STON1: variants seen among roughly 807,000 people sequenced by gnomAD.
STON1 encodes the protein stonin-1.
STON1 carries 79 observed loss-of-function variants against 60.9 expected under a neutral mutation model. The observed-to-expected ratio is 1.30, with a 90% CI of 1.08 to 1.56. The LOEUF (loss-of-function observed/expected upper bound fraction) is 1.56. Ranked by LOEUF, STON1 falls within the 40% of genes most tolerant of loss-of-function variation. The pLI, the probability that STON1 is intolerant of heterozygous loss-of-function variation, is 0.00. For synonymous variants in STON1, 363 were observed against 306.9 expected (o/e 1.18, Z -1.91); for missense variants, 1,166 against 858.9 (o/e 1.36, Z -4.47).
At chr2:48,583,979 G>T (rs190827625) in intron 2 of STON1, among the ~76,000 whole-genome samples, 1 of 152,044 alleles carries the variant, frequency 6.6e-6, no homozygotes, top group African/African-American at 2.4e-5. Context: ...TCAAACTCCT[G>T]ACTTTGTGAT....
intron 1 of STON1, among the ~76,000 whole-genome samples, chr2:48,557,053 G>A (rs1331407967): frequency 1.9e-5 from 2 of 103,396 alleles, no homozygotes; most frequent in Admixed American, 9.2e-5. Flanking sequence ...CGGATGGGGC[G>A]GCTGGCCGGG....
At chr2:48,530,926 A>T (rs992931591) in intron 1 of STON1, 1 of 152,240 alleles carries the variant, frequency 6.6e-6, no homozygotes, top group African/African-American at 2.4e-5. Context: ...CCTCCTTAGG[A>T]TTGTACTGCT....
At chr2:48,533,717 T>C (rs1671311000) in intron 1 of STON1, among the ~76,000 whole-genome samples, 1 of 146,922 alleles carries the variant, frequency 6.8e-6, no homozygotes, top group Non-Finnish European at 1.5e-5. Flanking sequence ...AAAGGAATAC[T>C]CTGTGACCTT....
At chr2:48,568,798 T>C (rs1047265375) in intron 1 of STON1, among the ~76,000 whole-genome samples, 5 of 152,220 alleles carry the variant, frequency 3.3e-5, no homozygotes, top group Non-Finnish European at 2.9e-5. Flanking sequence ...TCCCACAGCC[T>C]GATGTCCAAG....
At chr2:48,537,144 T>G (rs1336104279) in intron 1 of STON1, among the ~76,000 whole-genome samples, 1 of 152,244 alleles carries the variant, frequency 6.6e-6, no homozygotes, top group Non-Finnish European at 1.5e-5. Context: ...TCCAGTACAG[T>G]GTTCAATAGA....
At chr2:48,568,319 C>T (rs1295203329) in intron 1 of STON1, among the ~76,000 whole-genome samples, 1 of 152,212 alleles carries the variant, frequency 6.6e-6, no homozygotes, top group African/African-American at 2.4e-5. Flanking sequence ...ACAAAGTCTT[C>T]AGCTGCCATA....
chr2:48,564,487 TTCTTCTTCTTCTTCTTC>T (rs1672795554), intron 1 of STON1, among the ~76,000 whole-genome samples: 2 of 20,994 alleles, frequency 9.5e-5, no homozygotes, highest in Admixed American at 4.6e-4. Flanking sequence ...TTCTTTCTTC[TTCTTCTTCTTCTTCTTC>T]TTCTTCTTCT....
intron 3 of STON1, among the ~76,000 whole-genome samples, chr2:48,593,297 A>G (rs2103964669): frequency 6.6e-6 from 1 of 151,450 alleles, no homozygotes; most frequent in East Asian, 2.0e-4. Context: ...TTGTGTTTAT[A>G]GTAGAGATGG....
rs867449686 is a variant in STON1 at position 48,575,754 on chromosome 2, T to A, written c.-47-4833T>A. On this transcript the variant is annotated intron_variant, in intron 1 of 3. Transcript: ENST00000404752. ...ATATGGTAGTTCTATTTTTAGTTTT[T>A]GTTTGTTTTTTTTTTTTTTTTGAGA... Among the ~76,000 whole-genome samples, 8 of 117,320 alleles carry A rather than the reference T, an allele frequency of 6.8e-5. No individual in the cohort carries two copies. In the East Asian group the frequency reaches 7.0e-4, roughly 10 times the overall value. The allele number at this position is 117,320 out of a possible 152,430, so 77.0% of individuals were successfully genotyped here.
At chr2:48,565,730 G>A (rs1291797502) in intron 1 of STON1, among the ~76,000 whole-genome samples, 2 of 152,192 alleles carry the variant, frequency 1.3e-5, no homozygotes, top group African/African-American at 2.4e-5. Context: ...AAAGGCTAGA[G>A]TAGGGACAGA....
rs80020181 is a variant in STON1 at position 48,592,401 on chromosome 2, G to C, written c.2133+546G>C. Among the ~76,000 whole-genome samples, 3 of 151,084 alleles carry C rather than the reference G, an allele frequency of 2.0e-5. No individual in the cohort carries two copies. In the East Asian group the frequency reaches 5.8e-4, roughly 29 times the overall value. On this transcript the variant is annotated intron_variant, in intron 3 of 3. Transcript: ENST00000404752. ...ATAGTGTTCTGTGGAGCATGCTTTA[G>C]GAAATGCTGAGTTACTCTATTATGG...
intron 1 of STON1, among the ~76,000 whole-genome samples, chr2:48,574,694 C>G (rs555534529): frequency 5.3e-5 from 8 of 152,210 alleles, no homozygotes; most frequent in Admixed American, 2.0e-4. Flanking sequence ...AAGTGTAAAC[C>G]TCACATATTT....
intron 2 of STON1, among the ~76,000 whole-genome samples, chr2:48,583,053 T>G (rs533227553): frequency 6.6e-6 from 1 of 152,356 alleles, no homozygotes. Flanking sequence ...AAATTGATTT[T>G]TGTTGACTGA....
At chr2:48,537,590 T>G in intron 1 of STON1, among the ~76,000 whole-genome samples, 1 of 152,172 alleles carries the variant, frequency 6.6e-6, no homozygotes, top group South Asian at 2.1e-4. Context: ...GGCTCATGCC[T>G]GTAATTCCAG....
At chr2:48,535,479 G>T (rs752623328) in intron 1 of STON1, among the ~76,000 whole-genome samples, 1 of 152,048 alleles carries the variant, frequency 6.6e-6, no homozygotes, top group African/African-American at 2.4e-5. Flanking sequence ...TTTGTGGAAG[G>T]TACCTTGAGA....
rs1298423504 is a variant in STON1, at chr2:48,564,481, T to TCC, written c.-47-16106_-47-16105insCC. On this transcript the variant is annotated intron_variant, in intron 1 of 3. Transcript: ENST00000404752. ...TTCTTCTTCTTCTTCTTCTTCTTCTTTCTTCTTCTTCTTCTTCTTCTTCTT... is the reference window on the plus strand; with the variant it reads ...TTCTTCTTCTTCTTCTTCTTCTTCTTCCTCTTCTTCTTCTTCTTCTTCTTCTT... Among the ~76,000 whole-genome samples, 17 of 25,698 alleles carry TCC rather than the reference T, an allele frequency of 6.6e-4. 1 individual carries two copies. The highest frequency in any genetic ancestry group is 1.1e-3 in the Non-Finnish European group (13 of 12,364). 16.9% of individuals were successfully genotyped at this position (25,698 alleles called of 152,430 possible).
At chr2:48,575,451 C>T (rs1181262512) in intron 1 of STON1, among the ~76,000 whole-genome samples, 2 of 151,894 alleles carry the variant, frequency 1.3e-5, no homozygotes, top group Non-Finnish European at 2.9e-5. Context: ...GTCGGGAGTT[C>T]GAAACCAGCC....
chr2:48,564,368 AAG>A (rs1294973353), intron 1 of STON1, among the ~76,000 whole-genome samples: 1 of 151,700 alleles, frequency 6.6e-6, no homozygotes, highest in East Asian at 1.9e-4. Context: ...ACATGGCAGA[AAG>A]AGAGTGAGCT....
In STON1 at chr2:48,582,297, G is replaced by A; in HGVS notation, c.1664G>A (p.Arg555Lys). 1 of 1,614,182 alleles carries A rather than the reference G, an allele frequency of 6.2e-7. No individual in the cohort carries two copies. Among genetic ancestry groups the A allele is most frequent in the Non-Finnish European group, 8.5e-7 (1 of 1,180,024 alleles). Residue 555 changes from arginine to lysine, a missense_variant, in exon 2 of 4, where the codon AGG (arginine) becomes AAG (lysine). Physicochemically the swap from Arg to Lys is conservative, Grantham distance 26. Transcript: ENST00000404752. The part of the protein sequence containing the change: ...AFVNMASLAQ[R>K]SSYAGSLRSC... ...GTCAACATGGCCTCATTGGCGCAGA[G>A]GTCATCCTATGCTGGTTCCTTAAGG...
Sources: gnomAD v4.1 joint callset for allele counts (sites outside exome capture counted in the v4.1 genomes callset) on GRCh38, gnomAD v4.1.1 for gene constraint, MANE v1.5 for transcripts, NCBI Gene and HGNC (gene_info 2026-07-23, HGNC 2026-07-21) for gene names.